The following CRTAC1 variants were observed in gnomAD, a reference collection of about 807,000 sequenced individuals.
CRTAC1 encodes acidic secreted protein in cartilage.
In CRTAC1, 37 loss-of-function variants were observed where a neutral mutation model predicts 67.8. The ratio of observed to expected loss-of-function variants is 0.55; its 90% confidence interval spans 0.42 to 0.72. The LOEUF is 0.72. CRTAC1 is among the 30% of genes least tolerant of loss of function. The pLI is 0.00. For missense variants in CRTAC1, 780 were observed against 931.6 expected, an observed-to-expected ratio of 0.84 and a Z score of 2.12; for synonymous variants, 348 against 371.0, an observed-to-expected ratio of 0.94 and a Z score of 0.71.
chr10:97,926,316 C>T (rs1296920714), intron 3 of CRTAC1, among the ~76,000 whole-genome samples: 2 of 152,182 alleles, frequency 1.3e-5, no homozygotes, highest in Admixed American at 1.3e-4. Context: ...AGCTGCGAGG[C>T]CCCAGGTCTT....
At chr10:97,882,692 T>G (rs1590178546) in intron 13 of CRTAC1, 94 bp downstream of exon 13, 1 of 1,387,316 alleles carries the variant, frequency 7.2e-7, no homozygotes, top group East Asian at 2.3e-5. Context: ...TTCTGCCCCT[T>G]GCTTGCACCC....
chr10:97,879,857 GGA>G, intron 14 of CRTAC1: 1 of 1,150,172 alleles, frequency 8.7e-7, no homozygotes, highest in Non-Finnish European at 1.2e-6. Flanking sequence ...AAGGGGGTGG[GGA>G]CGGGGTGGGG....
intron 2 of CRTAC1, among the ~76,000 whole-genome samples, chr10:98,005,698 T>C (rs1842776988): frequency 1.3e-5 from 2 of 151,446 alleles, no homozygotes; most frequent in Admixed American, 1.3e-4. Flanking sequence ...CATGTATCTA[T>C]ATATACTTAA....
At chr10:97,979,959 C>T (rs2051865902) in intron 2 of CRTAC1, among the ~76,000 whole-genome samples, 1 of 152,178 alleles carries the variant, frequency 6.6e-6, no homozygotes, top group African/African-American at 2.4e-5. Flanking sequence ...CAGAGAAGCT[C>T]CAAGGGCCTG....
intron 11 of CRTAC1, among the ~76,000 whole-genome samples, chr10:97,887,220 C>T (rs1008668462): frequency 1.7e-4 from 24 of 139,144 alleles, no homozygotes; most frequent in Non-Finnish European, 3.2e-4. Flanking sequence ...GTACTTGCGG[C>T]ACTTAGGTTT....
chr10:97,969,898 G>A (rs1211263519), intron 2 of CRTAC1, among the ~76,000 whole-genome samples: 2 of 151,984 alleles, frequency 1.3e-5, no homozygotes, highest in Non-Finnish European at 2.9e-5. Flanking sequence ...CCATCTACCC[G>A]CTGACAACTC....
At position 97,895,225 on chromosome 10, in the gene CRTAC1, C is replaced by T. The variant is rs751278204; in HGVS notation, c.1486+20G>A. On this transcript the variant is annotated intron_variant, in intron 11 of 14. Coordinates refer to ENST00000370597, the MANE Select transcript of CRTAC1 (RefSeq NM_018058.7). The surrounding 1 kb of genome is among the most constrained non-coding windows in gnomAD (Gnocchi z 4.2). ...GCATCCTGATAACAGCTCACTGTCC[C>T]CCACCGGACCCCGACTCACCCAGGC... The T allele has an allele frequency of 1.9e-6, 3 of 1,604,116 alleles. No individual in the cohort carries two copies. Among genetic ancestry groups the T allele is most frequent in the South Asian group, 2.2e-5 (2 of 90,818 alleles).
rs775822923 is a variant in CRTAC1 at position 97,936,186 on chromosome 10, G to C, written c.405C>G (p.Thr135=). ...AGCCCTTACCCGAGAAGGCATTATT[G>C]GTGTTGAGGAAGTAGATCTCCTCCC... ...DGREEIYFLN[T]NNAFSGVATY... The change falls in exon 3 of 15, where the codon ACC becomes ACG. Residue 135 remains threonine, a synonymous_variant. Transcript: ENST00000370597. The C allele has an allele frequency of 2.3e-5, 37 of 1,611,286 alleles. No individual in the cohort carries two copies. Among genetic ancestry groups the C allele is most frequent in the Non-Finnish European group, 3.1e-5 (37 of 1,178,174 alleles).
intron 2 of CRTAC1, 137 bp downstream of exon 2, chr10:98,011,001 G>C: frequency 1.3e-6 from 1 of 773,368 alleles, no homozygotes; most frequent in Non-Finnish European, 2.2e-6. Flanking sequence ...CCAAGCTGCA[G>C]CTGAGCCACA....
intron 2 of CRTAC1, among the ~76,000 whole-genome samples, chr10:97,938,782 T>A (rs1380957972): frequency 1.3e-5 from 2 of 152,248 alleles, no homozygotes; most frequent in Admixed American, 6.5e-5. Flanking sequence ...GGCCTTGGGC[T>A]GGTCAGTTCT....
In CRTAC1 at chr10:97,879,574, A is replaced by T. The variant is rs57577065; in HGVS notation, c.1819+675T>A. The T allele has an allele frequency of 6.5e-5, 89 of 1,373,678 alleles. No homozygotes were observed. The African/African-American group carries it at 1.1e-3, about 18-fold the overall frequency. The allele number at this position is 1,373,678 out of a possible 1,614,324, so 85.1% of individuals were successfully genotyped here. A position where few individuals can be genotyped will look rare whatever the true frequency, so the allele number is the denominator to read the frequency against. On this transcript the variant is annotated intron_variant, in intron 14 of 14. Coordinates refer to ENST00000370597, the MANE Select transcript of CRTAC1 (RefSeq NM_018058.7). ...CCCCTGTTGTCCATTCAGAGGGAGCACACAGCAGAACCTACTGGGCGTGGA... is the reference window on the plus strand; with the variant it reads ...CCCCTGTTGTCCATTCAGAGGGAGCTCACAGCAGAACCTACTGGGCGTGGA...
chr10:97,915,632 G>C, intron 5 of CRTAC1, among the ~76,000 whole-genome samples: 1 of 152,070 alleles, frequency 6.6e-6, no homozygotes, highest in Non-Finnish European at 1.5e-5. Context: ...GCTCGGGGGT[G>C]GGGGACACTC....
intron 3 of CRTAC1, among the ~76,000 whole-genome samples, chr10:97,933,831 G>A (rs1590219567): frequency 6.6e-6 from 1 of 152,328 alleles, no homozygotes; most frequent in East Asian, 1.9e-4. Flanking sequence ...TTCCACCTTG[G>A]TGTATGCAGG....
chr10:97,943,580 A>G (rs1371324022), intron 2 of CRTAC1, among the ~76,000 whole-genome samples: 2 of 152,268 alleles, frequency 1.3e-5, no homozygotes, highest in Non-Finnish European at 2.9e-5. Flanking sequence ...CTCATTTTAT[A>G]GATACACAAA....
chr10:97,999,999 C>T (rs946743987), intron 2 of CRTAC1, among the ~76,000 whole-genome samples: 1 of 152,170 alleles, frequency 6.6e-6, no homozygotes, highest in Non-Finnish European at 1.5e-5. Context: ...GTTACCCTCT[C>T]TGCTAGGAGC....
intron 2 of CRTAC1, among the ~76,000 whole-genome samples, chr10:97,956,087 T>C (rs538224745): frequency 6.6e-6 from 1 of 152,294 alleles, no homozygotes; most frequent in Admixed American, 6.5e-5. Context: ...ACGATTACAG[T>C]TGCTTCCAGA....
chr10:97,904,519 T>C (rs2050582822), intron 7 of CRTAC1, 150 bp downstream of exon 7: 1 of 647,336 alleles, frequency 1.5e-6, no homozygotes, highest in Non-Finnish European at 2.3e-6. Flanking sequence ...CCTCCTGGGC[T>C]CAAGATTCCT....
intron 2 of CRTAC1, among the ~76,000 whole-genome samples, chr10:97,939,270 C>T (rs1157801635): frequency 3.3e-5 from 5 of 152,264 alleles, no homozygotes; most frequent in East Asian, 1.9e-4. Flanking sequence ...GTAGTAACCT[C>T]GGAAAGGTAG....
Position 97,895,717 on chromosome 10 carries a change from TC to T in CRTAC1, c.1317+167del, listed in dbSNP as rs754161858. On this transcript the variant is annotated intron_variant, in intron 10 of 14. Transcript: ENST00000370597. The surrounding 1 kb of genome is among the most constrained non-coding windows in gnomAD (Gnocchi z 4.2). The stretch of plus-strand genomic sequence containing the variant: ...CAAGGGCTTCTCCCAAGGCGGCCCT[TC>T]CTGAGCTTCCCGGTGCTGCTGGAAT... Among the ~76,000 whole-genome samples the T allele has an allele frequency of 6.6e-6, 1 of 152,070 alleles. No homozygotes were observed. Among genetic ancestry groups the T allele is most frequent in the Non-Finnish European group, 1.5e-5 (1 of 68,008 alleles).
Sources: gnomAD v4.1 joint callset for allele counts (sites outside exome capture counted in the v4.1 genomes callset) on GRCh38, gnomAD v4.1.1 for gene constraint, Gnocchi (gnomAD v3.1) non-coding constraint, MANE v1.5 for transcripts, NCBI Gene and HGNC (gene_info 2026-07-23, HGNC 2026-07-21) for gene names.